SV2C: variants seen among roughly 807,000 people sequenced by gnomAD.
The protein encoded by SV2C is solute carrier family 22 member B3.
SV2C carries 49 observed loss-of-function variants against 79.7 expected under a neutral mutation model. The observed-to-expected ratio is 0.61, with a 90% CI of 0.49 to 0.78. The LOEUF (loss-of-function observed/expected upper bound fraction) is 0.78, where lower values mean the gene tolerates loss of function less well. Among genes scored for constraint, SV2C ranks in the 30% least tolerant of loss-of-function variants. The pLI, the probability that SV2C is intolerant of heterozygous loss-of-function variation, is 0.00. For missense variants in SV2C, 833 were observed against 912.9 expected (o/e 0.91, Z 1.13); for synonymous variants, 334 against 333.2 (o/e 1.00, Z -0.03).
the SV2C span, among the ~76,000 whole-genome samples, chr5:76,066,795 T>TAA: frequency 1.2e-3 from 141 of 122,108 alleles, no homozygotes; most frequent in African/African-American, 4.0e-3. Flanking sequence ...AGGACCCTGT[T>TAA]AAAAAAAAAA....
At chr5:76,139,393 G>C (rs1157123174) in intron 2 of SV2C, among the ~76,000 whole-genome samples, 1 of 152,190 alleles carries the variant, frequency 6.6e-6, no homozygotes, top group African/African-American at 2.4e-5. Flanking sequence ...GCAACTTAAG[G>C]ATTTCAAATT....
At chr5:76,152,012 G>A (rs764863924) in intron 2 of SV2C, among the ~76,000 whole-genome samples, 1 of 152,192 alleles carries the variant, frequency 6.6e-6, no homozygotes, top group Non-Finnish European at 1.5e-5. Context: ...GATGCCTTAG[G>A]GGGTGAGAGA....
chr5:75,881,733 T>C, the SV2C span, among the ~76,000 whole-genome samples: 1 of 151,956 alleles, frequency 6.6e-6, no homozygotes, highest in Non-Finnish European at 1.5e-5. Context: ...TACAATCATG[T>C]CATCTGCAAA....
At chr5:76,128,017 C>T (rs1294635621) in intron 1 of SV2C, among the ~76,000 whole-genome samples, 2 of 152,140 alleles carry the variant, frequency 1.3e-5, no homozygotes, top group African/African-American at 4.8e-5. Context: ...ATTGAAACCA[C>T]TGAATATATG....
chr5:76,148,119 G>A (rs1749495266), intron 2 of SV2C, among the ~76,000 whole-genome samples: 1 of 152,158 alleles, frequency 6.6e-6, no homozygotes, highest in Admixed American at 6.5e-5. Context: ...CGGGCTTTGG[G>A]CCAGATATGT....
At chr5:75,919,247 G>T in the SV2C span, among the ~76,000 whole-genome samples, 1 of 152,132 alleles carries the variant, frequency 6.6e-6, no homozygotes, top group East Asian at 1.9e-4. Context: ...AGATCAGAGA[G>T]AAAAAAACAT....
chr5:76,116,496 C>T (rs1045078408), intron 1 of SV2C, among the ~76,000 whole-genome samples: 1 of 152,246 alleles, frequency 6.6e-6, no homozygotes, highest in East Asian at 1.9e-4. Context: ...CAGTCCCCAC[C>T]GCCTTCCCTA....
chr5:75,906,811 G>A, the SV2C span, among the ~76,000 whole-genome samples: 2 of 152,078 alleles, frequency 1.3e-5, no homozygotes, highest in South Asian at 4.1e-4. Flanking sequence ...CCTAACTAGG[G>A]TTAATTTTGC....
the SV2C span, among the ~76,000 whole-genome samples, chr5:76,010,333 C>T: frequency 1.4e-3 from 215 of 152,184 alleles, 6 homozygotes; most frequent in East Asian, 0.04. Context: ...CGCTAATTAT[C>T]CAGGGAAAAG....
At chr5:76,351,933 C>T (rs972992188) in intron 12 of SV2C, among the ~76,000 whole-genome samples, 1 of 152,214 alleles carries the variant, frequency 6.6e-6, no homozygotes, top group Non-Finnish European at 1.5e-5. Flanking sequence ...AAATCGGCTG[C>T]TGGACGCGGT....
intron 4 of SV2C, among the ~76,000 whole-genome samples, chr5:76,225,670 G>C (rs1478104890): frequency 6.6e-6 from 1 of 152,160 alleles, no homozygotes; most frequent in African/African-American, 2.4e-5. Context: ...TCCGTGCCCA[G>C]TCTTTCCAAT....
chr5:76,236,617 C>G (rs950470013), intron 4 of SV2C, among the ~76,000 whole-genome samples: 1 of 151,838 alleles, frequency 6.6e-6, no homozygotes, highest in African/African-American at 2.4e-5. Flanking sequence ...AGGGAGATGC[C>G]AGGTTCTTTT....
intron 4 of SV2C, among the ~76,000 whole-genome samples, chr5:76,250,848 A>G (rs943405293): frequency 1.3e-5 from 2 of 151,542 alleles, no homozygotes; most frequent in African/African-American, 4.8e-5. Flanking sequence ...TTTTCTTGTG[A>G]TTCTCTTTTT....
chr5:76,308,153 G>A (rs1237916007), intron 12 of SV2C, among the ~76,000 whole-genome samples: 1 of 152,120 alleles, frequency 6.6e-6, no homozygotes, highest in Non-Finnish European at 1.5e-5. Context: ...TAAGCCTTTT[G>A]CTTGAATTGG....
In SV2C at chr5:76,333,085, G is replaced by C. The variant is rs1749230928; in HGVS notation, c.*7538G>C. On this transcript the variant is annotated 3_prime_UTR_variant, in exon 13 of 13. Transcript: ENST00000502798. ...GCAAACAAAATGAAACTAGTTTGAA[G>C]TTGCAAAGTGTCTCCCCTCTTGCGC... 6.6e-6 allele frequency: 1 copy of C among 152,176 alleles called. No individual in the cohort carries two copies. Among genetic ancestry groups the C allele is most frequent in the Non-Finnish European group, 1.5e-5 (1 of 68,046 alleles). The allele number at this position is 152,176 out of a possible 1,614,324, so 9.4% of individuals were successfully genotyped here. A position where few individuals can be genotyped will look rare whatever the true frequency, so the allele number is the denominator to read the frequency against.
At chr5:76,291,423 A>G (rs936426857) in intron 7 of SV2C, 92 bp downstream of exon 7, 2 of 1,035,300 alleles carry the variant, frequency 1.9e-6, no homozygotes, top group Non-Finnish European at 2.8e-6. Context: ...CCTATGAGCG[A>G]GGTTCTTTCC....
intron 1 of SV2C, among the ~76,000 whole-genome samples, chr5:76,102,416 G>T (rs1747772877): frequency 6.6e-6 from 1 of 152,052 alleles, no homozygotes; most frequent in African/African-American, 2.4e-5. Context: ...TCCACCTTAG[G>T]CACCCTTCCA....
intron 12 of SV2C, 29 bp from the exon 13 acceptor site, chr5:76,325,335 A>C: frequency 6.2e-7 from 1 of 1,607,062 alleles, no homozygotes; most frequent in Non-Finnish European, 8.5e-7. Flanking sequence ...GCATTTTCTC[A>C]ACCTTGTTCA....
chr5:76,133,572 T>C (rs1170087753), intron 2 of SV2C, among the ~76,000 whole-genome samples: 2 of 152,216 alleles, frequency 1.3e-5, no homozygotes, highest in East Asian at 3.8e-4. Context: ...TTTGTTTCTT[T>C]ATGCTTAGCT....
Sources: gnomAD v4.1 joint callset for allele counts (sites outside exome capture counted in the v4.1 genomes callset) on GRCh38, gnomAD v4.1.1 for gene constraint, MANE v1.5 for transcripts, NCBI Gene and HGNC (gene_info 2026-07-23, HGNC 2026-07-21) for gene names.